CDH8: variants seen among roughly 807,000 people sequenced by gnomAD.
CDH8 encodes the protein cadherin 8.
Under a neutral mutation model 68.1 loss-of-function variants are expected in CDH8, and 17 were observed. That is an observed-to-expected ratio of 0.25 (90% CI 0.17 to 0.37). CDH8 has a LOEUF of 0.37. CDH8 is among the 10% of genes least tolerant of loss of function. The probability of loss-of-function intolerance (pLI) is 1.00; values close to 1 mark genes in which losing one functional copy is unlikely to be tolerated. For synonymous variants in CDH8, 372 were observed against 365.1 expected, an observed-to-expected ratio of 1.02 and a Z score of -0.21; for missense variants, 763 against 999.3, an observed-to-expected ratio of 0.76 and a Z score of 3.19.
intron 2 of CDH8, among the ~76,000 whole-genome samples, chr16:62,008,842 G>A (rs939223442): frequency 1.3e-5 from 2 of 151,968 alleles, no homozygotes; most frequent in Admixed American, 6.6e-5. Flanking sequence ...AAAACATCTC[G>A]AAAAGCTGAT....
chr16:61,753,850 A>C (rs1960238028), intron 8 of CDH8, among the ~76,000 whole-genome samples: 1 of 152,180 alleles, frequency 6.6e-6, no homozygotes, highest in Non-Finnish European at 1.5e-5. Flanking sequence ...TAGAAAAAGT[A>C]ATAATAATAA....
intron 8 of CDH8, 90 bp from the exon 9 acceptor site, chr16:61,727,305 C>T: frequency 7.6e-7 from 1 of 1,313,718 alleles, no homozygotes; most frequent in African/African-American, 1.5e-5. Flanking sequence ...GTGTCTGTTT[C>T]CAACTTCCCT....
At chr16:61,729,830 A>G (rs946362588) in intron 8 of CDH8, among the ~76,000 whole-genome samples, 1 of 151,484 alleles carries the variant, frequency 6.6e-6, no homozygotes, top group African/African-American at 2.4e-5. Flanking sequence ...AAAGTATAAG[A>G]AAAAGCTACC....
intron 2 of CDH8, among the ~76,000 whole-genome samples, chr16:61,987,603 G>C (rs190743443): frequency 6.6e-6 from 1 of 152,242 alleles, no homozygotes; most frequent in African/African-American, 2.4e-5. Flanking sequence ...GAAAGCAGAA[G>C]CTTAGCCAGT....
At position 61,761,952 on chromosome 16, in the gene CDH8, G is replaced by C. The variant is rs562481344; in HGVS notation, c.1414+27394C>G. The stretch of plus-strand genomic sequence containing the variant: ...AGGTGTTGAGGCTACAGTGAGCTGA[G>C]ATTGAGCCACTGCACTTCAGCCTGG... On this transcript the variant is annotated intron_variant, in intron 8 of 11. Transcript: ENST00000577390. Among the ~76,000 whole-genome samples the C allele has an allele frequency of 5.9e-5, 9 of 152,250 alleles. No homozygotes were observed. In the South Asian group the frequency reaches 1.9e-3, roughly 32 times the overall value.
intron 2 of CDH8, among the ~76,000 whole-genome samples, chr16:62,005,444 T>C (rs2095535430): frequency 6.6e-6 from 1 of 152,082 alleles, no homozygotes; most frequent in Non-Finnish European, 1.5e-5. Flanking sequence ...CATTCAATAA[T>C]ATGCCCAGGG....
At chr16:61,704,581 C>T (rs957864953) in intron 10 of CDH8, among the ~76,000 whole-genome samples, 3 of 152,150 alleles carry the variant, frequency 2.0e-5, no homozygotes, top group Non-Finnish European at 4.4e-5. Context: ...ACAGAAATTA[C>T]AGTAACTTCC....
At chr16:61,659,570 T>C (rs1026320651) in intron 10 of CDH8, among the ~76,000 whole-genome samples, 7 of 152,156 alleles carry the variant, frequency 4.6e-5, no homozygotes, top group Non-Finnish European at 8.8e-5. Flanking sequence ...AGAGAGGCTC[T>C]AGCTGGGCAC....
chr16:61,990,206 A>G (rs1164568402), intron 2 of CDH8, among the ~76,000 whole-genome samples: 2 of 151,834 alleles, frequency 1.3e-5, no homozygotes, highest in Non-Finnish European at 2.9e-5. Context: ...ATTACCTATT[A>G]TAACAGATTA....
intron 10 of CDH8, among the ~76,000 whole-genome samples, chr16:61,690,754 T>G (rs543506014): frequency 4.1e-4 from 63 of 152,142 alleles, no homozygotes; most frequent in African/African-American, 1.5e-3. Context: ...TGCAGGGATA[T>G]GATGAATATA....
intron 10 of CDH8, among the ~76,000 whole-genome samples, chr16:61,683,518 T>C (rs942868008): frequency 5.9e-5 from 9 of 152,016 alleles, no homozygotes; most frequent in South Asian, 4.1e-4. Flanking sequence ...CTCTAACCAG[T>C]CACAATTAAG....
At chr16:61,739,906 TATATATG>T (rs1567448236) in intron 8 of CDH8, among the ~76,000 whole-genome samples, 1 of 83,868 alleles carries the variant, frequency 1.2e-5, no homozygotes, top group African/African-American at 6.2e-5. Flanking sequence ...TATATATATA[TATATATG>T]TATTTTTTTT....
intron 10 of CDH8, among the ~76,000 whole-genome samples, chr16:61,656,271 A>G (rs1297271983): frequency 6.6e-6 from 1 of 152,218 alleles, no homozygotes; most frequent in Non-Finnish European, 1.5e-5. Flanking sequence ...CACCTTAAAA[A>G]TGCAAAATAT....
intron 7 of CDH8, among the ~76,000 whole-genome samples, chr16:61,811,037 A>C (rs938422628): frequency 6.6e-6 from 1 of 151,638 alleles, no homozygotes; most frequent in African/African-American, 2.4e-5. Context: ...AAAAAAAAAA[A>C]AAAAAAGAAG....
chr16:61,966,248 AT>A (rs1221909479), intron 2 of CDH8, among the ~76,000 whole-genome samples: 2 of 152,200 alleles, frequency 1.3e-5, no homozygotes, highest in African/African-American at 4.8e-5. Flanking sequence ...TCAATAAAAA[AT>A]AGAATGTGGG....
rs1307593478 is a variant in CDH8, at chr16:61,913,886, TGTTATAG to T, written c.253-12420_253-12414del. 2.0e-5 allele frequency among the ~76,000 whole-genome samples: 3 copies of T among 152,170 alleles called. No individual in the cohort carries two copies. The East Asian group carries it at 5.8e-4, about 29-fold the overall frequency. ...ACAAAAATAATCATTTCAAGCCCAC[TGTTATAG>T]GCTAAATTATTTTCCATCAAAATCC... On this transcript the variant is annotated intron_variant, in intron 2 of 11. Transcript: ENST00000577390.
chr16:61,772,153 A>T (rs1445086470), intron 8 of CDH8, among the ~76,000 whole-genome samples: 1 of 151,814 alleles, frequency 6.6e-6, no homozygotes, highest in Non-Finnish European at 1.5e-5. Flanking sequence ...TAAATTCCTA[A>T]CTCTCATCTG....
chr16:61,854,904 C>T (rs561964504), intron 4 of CDH8, among the ~76,000 whole-genome samples: 2 of 152,218 alleles, frequency 1.3e-5, no homozygotes, highest in East Asian at 3.9e-4. Flanking sequence ...TTTGAACACA[C>T]TCAAGCATAA....
chr16:61,940,612 A>G (rs1964703686), intron 2 of CDH8: 1 of 152,306 alleles, frequency 6.6e-6, no homozygotes, highest in African/African-American at 2.4e-5. Context: ...CATGTTGGCC[A>G]GGACGGTCCC....
Sources: gnomAD v4.1 joint callset for allele counts (sites outside exome capture counted in the v4.1 genomes callset) on GRCh38, gnomAD v4.1.1 for gene constraint, MANE v1.5 for transcripts, NCBI Gene and HGNC (gene_info 2026-07-23, HGNC 2026-07-21) for gene names.